The following PGPEP1L variants were observed in gnomAD, a reference collection of about 807,000 sequenced individuals.
PGPEP1L encodes pyroglutamyl-peptidase 1-like protein.
PGPEP1L carries 7 observed loss-of-function variants against 6.0 expected under a neutral mutation model. The ratio of observed to expected loss-of-function variants is 1.17; its 90% CI spans 0.66 to 2.19. The LOEUF (loss-of-function observed/expected upper bound fraction) is 2.19. PGPEP1L is among the 30% of genes most tolerant of loss of function. PGPEP1L has a pLI of 0.00. For missense variants in PGPEP1L, 209 were observed against 192.5 expected, an observed-to-expected ratio of 1.09 and a Z score of -0.51; for synonymous variants, 103 against 83.9, an observed-to-expected ratio of 1.23 and a Z score of -1.24.
At chr15:99,003,194 TAGTG>T (rs1391355114) in intron 2 of PGPEP1L, among the ~76,000 whole-genome samples, 142 of 111,366 alleles carry the variant, frequency 1.3e-3, no homozygotes, top group African/African-American at 6.4e-3. Context: ...TTATAGAAAA[TAGTG>T]AGATTAAAAA....
chr15:98,981,503 AAAAC>A (rs1285956090), intron 2 of PGPEP1L, among the ~76,000 whole-genome samples: 9 of 141,808 alleles, frequency 6.3e-5, no homozygotes, highest in African/African-American at 8.3e-5. Context: ...AAAAAAAAAA[AAAAC>A]AAAAACAAAA....
At chr15:98,980,775 T>C (rs947919533) in intron 2 of PGPEP1L, among the ~76,000 whole-genome samples, 3 of 151,792 alleles carry the variant, frequency 2.0e-5, no homozygotes, top group East Asian at 1.9e-4. Context: ...CTACTAAAAA[T>C]ACAAAAATTA....
intron 2 of PGPEP1L, among the ~76,000 whole-genome samples, chr15:98,988,163 G>A (rs1399167986): frequency 6.6e-6 from 1 of 152,050 alleles, no homozygotes; most frequent in African/African-American, 2.4e-5. Flanking sequence ...CCTGGAAAGA[G>A]GGTTGAAGCC....
chr15:98,988,441 A>G (rs2017777293), intron 2 of PGPEP1L, among the ~76,000 whole-genome samples: 1 of 152,078 alleles, frequency 6.6e-6, no homozygotes, highest in Non-Finnish European at 1.5e-5. Flanking sequence ...GCCTCTCTAG[A>G]TCCCTCCTCT....
At chr15:98,986,732 C>G (rs537357680) in intron 2 of PGPEP1L, among the ~76,000 whole-genome samples, 2 of 152,124 alleles carry the variant, frequency 1.3e-5, no homozygotes, top group Non-Finnish European at 2.9e-5. Flanking sequence ...TCTTAGCCTA[C>G]GGGGTCTGTG....
intron 2 of PGPEP1L, among the ~76,000 whole-genome samples, chr15:98,980,930 C>T (rs1403499951): frequency 3.4e-5 from 3 of 87,642 alleles, no homozygotes; most frequent in African/African-American, 1.0e-4. Flanking sequence ...GAGACTCCAT[C>T]TGGAAAAGGA....
intron 2 of PGPEP1L, among the ~76,000 whole-genome samples, chr15:98,998,890 G>T (rs782568021): frequency 6.6e-6 from 1 of 152,158 alleles, no homozygotes; most frequent in Non-Finnish European, 1.5e-5. Flanking sequence ...CAGGAGAATC[G>T]CTTGAACCCG....
At chr15:98,981,278 G>A (rs561230432) in intron 2 of PGPEP1L, among the ~76,000 whole-genome samples, 1 of 152,154 alleles carries the variant, frequency 6.6e-6, no homozygotes, top group African/African-American at 2.4e-5. Context: ...GGATCACGAG[G>A]TCAGGAGATC....
Position 98,988,718 on chromosome 15 carries a change from G to A in PGPEP1L, c.-142+16711C>T, listed in dbSNP as rs148817064. On this transcript the variant is annotated intron_variant, in intron 2 of 4. Transcript: ENST00000535714. ...TGGGAGATACCTCCCAGTAGGGGCC[G>A]ACAGACACCTCATATAGGAGAGCTC... Among the ~76,000 whole-genome samples, 1,068 of 152,296 alleles carry A rather than the reference G, an allele frequency of 7.0e-3. 12 individuals are homozygous for A. Among genetic ancestry groups the A allele is most frequent in the African/African-American group, 0.024 (988 of 41,566 alleles).
intron 2 of PGPEP1L, among the ~76,000 whole-genome samples, chr15:98,975,334 G>C (rs1158542231): frequency 6.6e-6 from 1 of 152,142 alleles, no homozygotes. Context: ...ATGAACGGGA[G>C]GGAAGTATGA....
Position 98,971,117 on chromosome 15 carries a change from C to T in PGPEP1L, c.-100G>A. 1 of 1,611,756 alleles carries T rather than the reference C, an allele frequency of 6.2e-7. No individual in the cohort carries two copies. The highest frequency in any genetic ancestry group is 1.3e-5 in the African/African-American group (1 of 74,632). The stretch of plus-strand genomic sequence containing the variant: ...CTACAGGCAGCTCCAGAGTCCGCAG[C>T]TGCACCACTGTTTCATTCCCCAGGC... On this transcript the variant is annotated 5_prime_UTR_variant, in exon 3 of 5. Transcript: ENST00000535714.
chr15:98,982,733 CAG>C (rs1219750962), intron 2 of PGPEP1L, among the ~76,000 whole-genome samples: 7 of 66,200 alleles, frequency 1.1e-4, no homozygotes, highest in Non-Finnish European at 2.7e-4. Flanking sequence ...TTTTTTGAGA[CAG>C]AGTCTTGCTC....
rs145665583 is a variant in PGPEP1L at position 98,969,618 on chromosome 15, T to G, written c.16A>C (p.Lys6Gln). The G allele has an allele frequency of 5.0e-5, 81 of 1,613,020 alleles. 1 individual carries two copies. The African/African-American group carries it at 9.2e-4, about 18-fold the overall frequency. Residue 6 changes from lysine (K) to glutamine (Q), a missense_variant, in exon 4 of 5, where the codon AAG becomes CAG. Coordinates refer to ENST00000535714, the MANE Select transcript of PGPEP1L (RefSeq NM_001167902.2). ...CCAGACTGTTCCAGAATGATCGCCT[T>G]GGCGGCGGTGTCCATGCCCACATGC... is the stretch of plus-strand genomic sequence containing the variant. The part of the protein sequence containing the change: MDTAA[K>Q]AIILEQSGKN...
At chr15:99,004,874 T>C (rs2018026567) in intron 2 of PGPEP1L, among the ~76,000 whole-genome samples, 4 of 151,198 alleles carry the variant, frequency 2.6e-5, no homozygotes, top group Admixed American at 2.6e-4. Flanking sequence ...GTTGACCTTC[T>C]GGGGCTCAGG....
intron 2 of PGPEP1L, among the ~76,000 whole-genome samples, chr15:98,991,492 G>C (rs1555472074): frequency 1.3e-5 from 2 of 152,154 alleles, no homozygotes; most frequent in Non-Finnish European, 2.9e-5. Flanking sequence ...AAATAGTCCA[G>C]GACCAGATGG....
chr15:98,972,029 A>G (rs938248843), intron 2 of PGPEP1L, among the ~76,000 whole-genome samples: 9 of 152,182 alleles, frequency 5.9e-5, no homozygotes, highest in Admixed American at 2.0e-4. Context: ...GGTAATCACA[A>G]AAGAAAAACC....
chr15:98,988,526 G>C (rs1447811790), intron 2 of PGPEP1L, among the ~76,000 whole-genome samples: 2 of 152,224 alleles, frequency 1.3e-5, no homozygotes, highest in Non-Finnish European at 2.9e-5. Context: ...ATCTCCCTGG[G>C]ACAGAGCACC....
At position 99,003,769 on chromosome 15, in the gene PGPEP1L, C is replaced by T. The variant is rs1315340963; in HGVS notation, c.-142+1660G>A. 1.4e-5 allele frequency among the ~76,000 whole-genome samples: 2 copies of T among 147,856 alleles called. 1 individual carries two copies. The highest frequency in any genetic ancestry group is 3.0e-5 in the Non-Finnish European group (2 of 67,516). On this transcript the variant is annotated intron_variant, in intron 2 of 4. Coordinates refer to ENST00000535714, the MANE Select transcript of PGPEP1L (RefSeq NM_001167902.2). ...AAACAATTTCCAGTTTGCCAGCAAACCACAGGCTGACAAGACAAAGGCAGG... is the reference window on the plus strand; with the variant it reads ...AAACAATTTCCAGTTTGCCAGCAAATCACAGGCTGACAAGACAAAGGCAGG...
intron 2 of PGPEP1L, among the ~76,000 whole-genome samples, chr15:98,991,355 T>A (rs781939379): frequency 6.6e-6 from 1 of 152,078 alleles, no homozygotes; most frequent in East Asian, 1.9e-4. Context: ...CTAGAAAATA[T>A]AGAAGAAATG....
Sources: gnomAD v4.1 joint callset for allele counts (sites outside exome capture counted in the v4.1 genomes callset) on GRCh38, gnomAD v4.1.1 for gene constraint, MANE v1.5 for transcripts, NCBI Gene and HGNC (gene_info 2026-07-23, HGNC 2026-07-21) for gene names.